The following CCDC102B variants were observed in gnomAD, a reference collection of about 807,000 sequenced individuals.
The protein encoded by CCDC102B is coiled-coil domain containing 102B.
A neutral mutation model predicts 57.4 loss-of-function variants in CCDC102B; 75 were observed. The observed-to-expected ratio is 1.31, with a 90% CI of 1.08 to 1.58. CCDC102B has a LOEUF of 1.58. Among genes scored for constraint, CCDC102B ranks in the 40% most tolerant of loss-of-function variants. The probability of loss-of-function intolerance (pLI) is 0.00; values close to 1 mark genes in which losing one functional copy is unlikely to be tolerated. For synonymous variants in CCDC102B, 206 were observed against 201.9 expected, an observed-to-expected ratio of 1.02 and a Z score of -0.17; for missense variants, 636 against 582.6, an observed-to-expected ratio of 1.09 and a Z score of -0.94.
chr18:68,836,910 A>G lies in CCDC102B; in HGVS notation c.147A>G (p.Leu49=). The change falls in exon 2 of 8, where the codon CTA becomes CTG. Residue 49 remains leucine, a synonymous_variant. Transcript: ENST00000360242. ...TCNTCFPLHG[L]QSHAAHNFCA... ...ATACCTGCTTCCCACTTCATGGGCTACAATCTCATGCTGCTCACAATTTCT... is the reference window on the plus strand; with the variant it reads ...ATACCTGCTTCCCACTTCATGGGCTGCAATCTCATGCTGCTCACAATTTCT... 6.2e-7 allele frequency: 1 copy of G among 1,614,122 alleles called. No individual in the cohort carries two copies. The highest frequency in any genetic ancestry group is 8.5e-7 in the Non-Finnish European group (1 of 1,180,026).
intron 6 of CCDC102B, among the ~76,000 whole-genome samples, chr18:68,955,722 T>C (rs1361799167): frequency 2.6e-5 from 4 of 152,092 alleles, no homozygotes; most frequent in Non-Finnish European, 5.9e-5. Flanking sequence ...AAAGCCTTTA[T>C]AATTTATGTA....
Position 69,054,520 on chromosome 18 carries a change from A to C in CCDC102B, c.*383A>C. On this transcript the variant is annotated 3_prime_UTR_variant, in exon 8 of 8. Transcript: ENST00000360242. ...AAACCATTGACTTTAAGTATAAAGTACTGGTTTGTTTAAATAATTGGTAAA... is the reference window on the plus strand; with the variant it reads ...AAACCATTGACTTTAAGTATAAAGTCCTGGTTTGTTTAAATAATTGGTAAA... 1 of 994,712 alleles carries C rather than the reference A, an allele frequency of 1.0e-6. No individual in the cohort carries two copies. Among genetic ancestry groups the C allele is most frequent in the Non-Finnish European group, 1.2e-6 (1 of 836,482 alleles). The allele number at this position is 994,712 out of a possible 1,614,324, so 61.6% of individuals were successfully genotyped here.
intron 2 of CCDC102B, among the ~76,000 whole-genome samples, chr18:68,723,372 A>G (rs2032444994): frequency 6.6e-6 from 1 of 152,094 alleles, no homozygotes; most frequent in South Asian, 2.1e-4. Context: ...TGCCTTTCCC[A>G]CAGCCCCCTA....
intron 5 of CCDC102B, among the ~76,000 whole-genome samples, chr18:68,887,787 C>T (rs1221985633): frequency 6.6e-6 from 1 of 152,176 alleles, no homozygotes; most frequent in Non-Finnish European, 1.5e-5. Flanking sequence ...AAAATCAATA[C>T]ATATTTATAG....
chr18:68,878,727 T>C (rs1191452093), intron 5 of CCDC102B, among the ~76,000 whole-genome samples: 2 of 152,142 alleles, frequency 1.3e-5, no homozygotes. Flanking sequence ...TTCTCTTGTT[T>C]ATAAGCTACC....
downstream of CCDC102B, among the ~76,000 whole-genome samples, chr18:69,057,275 G>A (rs2052833151): frequency 6.6e-6 from 1 of 152,056 alleles, no homozygotes; most frequent in African/African-American, 2.4e-5. Flanking sequence ...AAACTTAGTA[G>A]CTTAAAACAT....
In CCDC102B at chr18:68,873,174, A is replaced by G. The variant is rs143624025; in HGVS notation, c.937-1495A>G. On this transcript the variant is annotated intron_variant, in intron 4 of 7. Coordinates refer to ENST00000360242, the MANE Select transcript of CCDC102B (RefSeq NM_024781.3). ...CCACATTGTCTATTTAACTTCCATG[A>G]TAGTGAGCTGGACTTGCATATTCAG... is the stretch of plus-strand genomic sequence containing the variant. Among the ~76,000 whole-genome samples, 56 of 152,226 alleles carry G rather than the reference A, an allele frequency of 3.7e-4. No individual in the cohort carries two copies. In the East Asian group the frequency reaches 0.01, roughly 27 times the overall value.
At chr18:68,915,534 AAG>A (rs1279789202) in intron 6 of CCDC102B, among the ~76,000 whole-genome samples, 1 of 152,250 alleles carries the variant, frequency 6.6e-6, no homozygotes, top group African/African-American at 2.4e-5. Flanking sequence ...TATAGAAAAA[AAG>A]AAAATTTGAA....
At chr18:68,954,184 C>T (rs531686190) in intron 6 of CCDC102B, among the ~76,000 whole-genome samples, 1 of 152,202 alleles carries the variant, frequency 6.6e-6, no homozygotes, top group Admixed American at 6.5e-5. Context: ...CTTTGGGAGG[C>T]CAAGGCGGGC....
intron 3 of CCDC102B, among the ~76,000 whole-genome samples, chr18:68,846,038 A>G (rs903569553): frequency 6.6e-6 from 1 of 151,952 alleles, no homozygotes; most frequent in African/African-American, 2.4e-5. Context: ...AGAGGCAAGC[A>G]TGAAATACAC....
chr18:68,867,692 T>C (rs1036202956), intron 4 of CCDC102B, among the ~76,000 whole-genome samples: 1 of 152,052 alleles, frequency 6.6e-6, no homozygotes, highest in Non-Finnish European at 1.5e-5. Flanking sequence ...CCCAGCACTT[T>C]GGGAGGCCGA....
At chr18:68,800,529 C>G (rs1330784653) in intron 1 of CCDC102B, among the ~76,000 whole-genome samples, 2 of 152,112 alleles carry the variant, frequency 1.3e-5, no homozygotes, top group Non-Finnish European at 2.9e-5. Context: ...CTCTCTCTTA[C>G]ATTTTCTTAA....
intron 2 of CCDC102B, among the ~76,000 whole-genome samples, chr18:68,773,722 T>TA (rs550614439): frequency 2.3e-4 from 35 of 152,132 alleles, no homozygotes; most frequent in African/African-American, 8.2e-4. Flanking sequence ...TTGGGAGCTA[T>TA]AAAATCATTA....
At chr18:68,737,126 T>C (rs893594579) in intron 2 of CCDC102B, among the ~76,000 whole-genome samples, 1 of 151,976 alleles carries the variant, frequency 6.6e-6, no homozygotes, top group African/African-American at 2.4e-5. Context: ...CCTGTTTGTC[T>C]GAGGGTGATT....
intron 2 of CCDC102B, among the ~76,000 whole-genome samples, chr18:68,790,675 G>A (rs952640511): frequency 6.6e-5 from 10 of 152,272 alleles, no homozygotes; most frequent in Middle Eastern, 6.8e-3. Flanking sequence ...GCAATGCCTC[G>A]CCCTGCTTCG....
intron 3 of CCDC102B, among the ~76,000 whole-genome samples, chr18:68,843,301 G>C (rs982602543): frequency 1.3e-5 from 2 of 152,088 alleles, no homozygotes; most frequent in African/African-American, 4.8e-5. Flanking sequence ...ATTTGATTTG[G>C]TAAGAACATT....
intron 4 of CCDC102B, among the ~76,000 whole-genome samples, chr18:68,874,096 T>C (rs930753065): frequency 6.6e-6 from 1 of 151,860 alleles, no homozygotes; most frequent in African/African-American, 2.4e-5. Context: ...TCTGCAGTCA[T>C]TTTCTCTGGA....
chr18:68,941,404 G>A (rs2049377437), intron 6 of CCDC102B, among the ~76,000 whole-genome samples: 1 of 152,002 alleles, frequency 6.6e-6, no homozygotes, highest in African/African-American at 2.4e-5. Context: ...AGTACAGGGT[G>A]AAAGCTAGGT....
rs2052791930 is a variant in CCDC102B, at chr18:69,054,982, ATTTAAG to A, written c.*850_*855del. 1 of 982,548 alleles carries A rather than the reference ATTTAAG, an allele frequency of 1.0e-6. No individual in the cohort carries two copies. Among genetic ancestry groups the A allele is most frequent in the African/African-American group, 1.7e-5 (1 of 57,156 alleles). The allele number at this position is 982,548 out of a possible 1,614,324, so 60.9% of individuals were successfully genotyped here. On this transcript the variant is annotated 3_prime_UTR_variant, in exon 8 of 8. Transcript: ENST00000360242. The stretch of plus-strand genomic sequence containing the variant: ...TGTACATTATAGTTTATTGCTTCAT[ATTTAAG>A]TTTAGTTTTTAAGGTAAAATGTTAT...
Sources: gnomAD v4.1 joint callset for allele counts (sites outside exome capture counted in the v4.1 genomes callset) on GRCh38, gnomAD v4.1.1 for gene constraint, MANE v1.5 for transcripts, NCBI Gene and HGNC (gene_info 2026-07-23, HGNC 2026-07-21) for gene names.